Variants in SLC9A7 observed in about 807,000 individuals in gnomAD.
The protein encoded by SLC9A7 is sodium/hydrogen exchanger 7.
In SLC9A7, 19 loss-of-function variants were observed where a neutral mutation model predicts 52.6. The ratio of observed to expected loss-of-function variants is 0.36; its 90% CI spans 0.25 to 0.53. The LOEUF is 0.53. Ranked by LOEUF, SLC9A7 falls within the 20% of genes least tolerant of loss-of-function variation. The probability of loss-of-function intolerance (pLI) is 0.91; values close to 1 mark genes in which losing one functional copy is unlikely to be tolerated. For synonymous variants in SLC9A7, 226 were observed against 252.1 expected, an observed-to-expected ratio of 0.90 and a Z score of 0.98; for missense variants, 455 against 597.9, an observed-to-expected ratio of 0.76 and a Z score of 2.49.
rs1411420273 is a variant in SLC9A7, at chrX:46,605,373, G to A, written c.*1579C>T. 9.0e-6 allele frequency: 1 copy of A among 111,186 alleles called. No individual in the cohort carries two copies. Among genetic ancestry groups the A allele is most frequent in the Non-Finnish European group, 1.9e-5 (1 of 53,038 alleles). 9.2% of individuals were successfully genotyped at this position (111,186 alleles called of 1,213,427 possible). ...ACTACAGGTGTGGGCAGACAGAACAGCTCATCCAGAAAGAATCCAAACTGA... is the reference window on the plus strand; with the variant it reads ...ACTACAGGTGTGGGCAGACAGAACAACTCATCCAGAAAGAATCCAAACTGA... On this transcript the variant is annotated 3_prime_UTR_variant, in exon 17 of 17. Coordinates refer to ENST00000616978, the MANE Select transcript of SLC9A7 (RefSeq NM_001257291.2).
chrX:46,699,551 T>C (rs776014681), intron 1 of SLC9A7, among the ~76,000 whole-genome samples: 2 of 111,637 alleles, frequency 1.8e-5, no homozygotes, highest in Admixed American at 1.9e-4. Flanking sequence ...GCTAGCTCAA[T>C]AGTCCCAGGA....
chrX:46,654,744 G>A (rs898274759), intron 7 of SLC9A7, among the ~76,000 whole-genome samples: 1 of 111,098 alleles, frequency 9.0e-6, no homozygotes, highest in Admixed American at 9.6e-5. Context: ...TTCGGGACCA[G>A]AGATCCTTCT....
At chrX:46,746,018 G>C (rs1921739193) in intron 1 of SLC9A7, among the ~76,000 whole-genome samples, 1 of 109,177 alleles carries the variant, frequency 9.2e-6, no homozygotes, top group African/African-American at 3.3e-5. Flanking sequence ...CTACAGCAAA[G>C]GAAACAATCA....
intron 1 of SLC9A7, among the ~76,000 whole-genome samples, chrX:46,745,098 G>C (rs1481244093): frequency 9.0e-6 from 1 of 111,481 alleles, no homozygotes; most frequent in African/African-American, 3.3e-5. Flanking sequence ...GCAACCAAGT[G>C]AACAATGACT....
chrX:46,636,787 G>A (rs1167176368), intron 12 of SLC9A7, among the ~76,000 whole-genome samples: 1 of 111,539 alleles, frequency 9.0e-6, no homozygotes, highest in Non-Finnish European at 1.9e-5. Context: ...CCTCAGCAGC[G>A]GCAATAACGA....
At chrX:46,662,294 C>T (rs1943837347) in intron 6 of SLC9A7, 137 bp from the exon 7 acceptor site, 1 of 633,911 alleles carries the variant, frequency 1.6e-6, no homozygotes, top group African/African-American at 2.3e-5. Context: ...ATTTAATCTG[C>T]AGCCAGCATT....
intron 10 of SLC9A7, among the ~76,000 whole-genome samples, chrX:46,650,001 AG>A (rs1379139325): frequency 8.9e-6 from 1 of 112,320 alleles, no homozygotes; most frequent in Non-Finnish European, 1.9e-5. Flanking sequence ...GCAGATTTTT[AG>A]CTATTAGTCT....
chrX:46,683,079 G>T (rs898277038), intron 1 of SLC9A7, among the ~76,000 whole-genome samples: 1 of 106,333 alleles, frequency 9.4e-6, no homozygotes. Context: ...CCAAAGTGCT[G>T]GGATTACAGG....
At chrX:46,624,352 C>CTCCAGGTACGTAG (rs1943091396) in intron 14 of SLC9A7, among the ~76,000 whole-genome samples, 1 of 112,123 alleles carries the variant, frequency 8.9e-6, no homozygotes, top group Non-Finnish European at 1.9e-5. Flanking sequence ...CTGACGCTAA[C>CTCCAGGTACGTAG]TCCAGGTACG....
At chrX:46,651,268 C>T (rs756165596) in intron 9 of SLC9A7, 45 bp from the exon 10 acceptor site, 2 of 1,182,064 alleles carry the variant, frequency 1.7e-6, no homozygotes, top group Admixed American at 4.4e-5. Flanking sequence ...GCAGTTCCCC[C>T]TTCCCTGTGT....
intron 3 of SLC9A7, among the ~76,000 whole-genome samples, chrX:46,677,860 A>G (rs1156762281): frequency 2.7e-5 from 3 of 112,243 alleles, no homozygotes; most frequent in Non-Finnish European, 5.6e-5. Context: ...AAGGTTTTTC[A>G]TTATAAACTC....
rs748630993 is a variant in SLC9A7 at position 46,605,704 on chromosome X, C to G, written c.*1248G>C. ...TTTTTTTGCATTGAGATTTCTTTCCCTCTGAATTCTAGCCTGGTGCCTTGT... is the reference window on the plus strand; with the variant it reads ...TTTTTTTGCATTGAGATTTCTTTCCGTCTGAATTCTAGCCTGGTGCCTTGT... On this transcript the variant is annotated 3_prime_UTR_variant, in exon 17 of 17. Coordinates refer to ENST00000616978, the MANE Select transcript of SLC9A7 (RefSeq NM_001257291.2). 1 of 111,883 alleles carries G rather than the reference C, an allele frequency of 8.9e-6. No individual in the cohort carries two copies. The highest frequency in any genetic ancestry group is 9.5e-5 in the Admixed American group (1 of 10,481). The allele number at this position is 111,883 out of a possible 1,213,427, so 9.2% of individuals were successfully genotyped here.
At chrX:46,658,199 AAT>A (rs1943740957) in intron 7 of SLC9A7, among the ~76,000 whole-genome samples, 1 of 104,144 alleles carries the variant, frequency 9.6e-6, no homozygotes, top group Admixed American at 1.1e-4. Context: ...AACATACCAG[AAT>A]CTCTGGGACG....
intron 13 of SLC9A7, among the ~76,000 whole-genome samples, chrX:46,635,175 C>T (rs192446589): frequency 9.6e-4 from 108 of 111,995 alleles, no homozygotes; most frequent in Middle Eastern, 4.6e-3. Context: ...AGCCTTACCC[C>T]AGTCATGGTT....
At chrX:46,682,624 A>T in intron 1 of SLC9A7, 89 bp from the exon 2 acceptor site, 1 of 819,131 alleles carries the variant, frequency 1.2e-6, no homozygotes, top group Non-Finnish European at 1.8e-6. Flanking sequence ...ACAACTAAGA[A>T]ATGCAGCAGT....
chrX:46,668,778 G>C (rs1943965655), intron 5 of SLC9A7, among the ~76,000 whole-genome samples: 1 of 111,362 alleles, frequency 9.0e-6, no homozygotes, highest in Non-Finnish European at 1.9e-5. Context: ...TTGTTTAATG[G>C]GTATAGCATT....
At chrX:46,720,458 C>T in intron 1 of SLC9A7, among the ~76,000 whole-genome samples, 1 of 110,611 alleles carries the variant, frequency 9.0e-6, no homozygotes. Flanking sequence ...CCTGCTTCTC[C>T]CCTGATTCCC....
At chrX:46,744,162 A>G (rs767221614) in intron 1 of SLC9A7, among the ~76,000 whole-genome samples, 1 of 112,464 alleles carries the variant, frequency 8.9e-6, no homozygotes, top group East Asian at 2.8e-4. Flanking sequence ...CATTCCAGGA[A>G]GCAGACAGAA....
intron 10 of SLC9A7, among the ~76,000 whole-genome samples, chrX:46,650,488 CCTT>C (rs2146775870): frequency 9.0e-6 from 1 of 110,945 alleles, no homozygotes; most frequent in East Asian, 2.8e-4. Flanking sequence ...TTTTCCTTCT[CCTT>C]TTTTTTTTGG....
Sources: gnomAD v4.1 joint callset for allele counts (sites outside exome capture counted in the v4.1 genomes callset) on GRCh38, gnomAD v4.1.1 for gene constraint, MANE v1.5 for transcripts, NCBI Gene and HGNC (gene_info 2026-07-23, HGNC 2026-07-21) for gene names.